Variants in EYS observed in about 807,000 individuals in gnomAD.
EYS encodes the protein protein eyes shut homolog.
EYS carries 250 observed loss-of-function variants against 282.1 expected under a neutral mutation model. The ratio of observed to expected loss-of-function variants is 0.89; its 90% CI spans 0.80 to 0.98. The LOEUF (loss-of-function observed/expected upper bound fraction) is 0.98. Among genes scored for constraint, EYS ranks in the 50% least tolerant of loss-of-function variants. The pLI is 0.00. For missense variants in EYS, 4,016 were observed against 3,709.0 expected (o/e 1.08, Z -2.15); for synonymous variants, 1,355 against 1,282.9 (o/e 1.06, Z -1.20).
intron 28 of EYS, among the ~76,000 whole-genome samples, chr6:64,396,965 T>C (rs1773401335): frequency 6.6e-6 from 1 of 152,072 alleles, no homozygotes; most frequent in Admixed American, 6.6e-5. Flanking sequence ...CTCTCTTTTA[T>C]TGGTTCATAT....
chr6:65,072,378 CAAGAG>C (rs138311944), intron 12 of EYS, among the ~76,000 whole-genome samples: 4,466 of 151,720 alleles, frequency 0.029, 221 homozygotes, highest in African/African-American at 0.1. Context: ...CAAACAAAAA[CAAGAG>C]AAGAGACAGA....
chr6:65,138,568 C>T (rs1388023328), intron 12 of EYS, among the ~76,000 whole-genome samples: 1 of 151,972 alleles, frequency 6.6e-6, no homozygotes, highest in Non-Finnish European at 1.5e-5. Flanking sequence ...AGGGAAGAAG[C>T]AAGACTAGCT....
chr6:64,814,133 C>A (rs760269773), intron 21 of EYS, among the ~76,000 whole-genome samples: 1 of 152,064 alleles, frequency 6.6e-6, no homozygotes, highest in Non-Finnish European at 1.5e-5. Flanking sequence ...TAATTACCTA[C>A]TTTTCCCCAT....
intron 14 of EYS, among the ~76,000 whole-genome samples, chr6:64,961,799 T>C (rs1308452739): frequency 6.6e-6 from 1 of 152,154 alleles, no homozygotes; most frequent in Admixed American, 6.6e-5. Flanking sequence ...CTTATGCTAT[T>C]AGGCAATTTA....
chr6:64,662,483 C>T (rs1386606620), intron 22 of EYS, among the ~76,000 whole-genome samples: 1 of 152,004 alleles, frequency 6.6e-6, no homozygotes, highest in African/African-American at 2.4e-5. Context: ...AAAAATAACC[C>T]CAAAGTTATA....
chr6:65,443,327 CAT>C (rs1768476898), intron 5 of EYS, among the ~76,000 whole-genome samples: 1 of 131,310 alleles, frequency 7.6e-6, no homozygotes, highest in Admixed American at 8.2e-5. Flanking sequence ...GACATATATG[CAT>C]ACATGTATGT....
At chr6:64,284,757 C>G (rs1185204841) in intron 30 of EYS, among the ~76,000 whole-genome samples, 1 of 152,184 alleles carries the variant, frequency 6.6e-6, no homozygotes, top group Non-Finnish European at 1.5e-5. Flanking sequence ...GCATGCTCAA[C>G]ACAACCTGGA....
intron 22 of EYS, among the ~76,000 whole-genome samples, chr6:64,692,404 C>T (rs1292536788): frequency 6.6e-6 from 1 of 152,030 alleles, no homozygotes; most frequent in Non-Finnish European, 1.5e-5. Context: ...ACATCTTCTC[C>T]CATTTTGTAG....
At chr6:64,217,366 T>G (rs978125219) in intron 31 of EYS, among the ~76,000 whole-genome samples, 6 of 152,038 alleles carry the variant, frequency 3.9e-5, no homozygotes, top group African/African-American at 1.4e-4. Context: ...CCATCTCTAC[T>G]AAAAATACAA....
rs576864515 is a variant in EYS, at chr6:64,091,490, T to C, written c.6425-9488A>G. ...TTTATTGAGGGTACATGAGTAATAT[T>C]TTGCAAAATATGTTTGCAGAGTTTT... On this transcript the variant is annotated intron_variant, in intron 31 of 42. Transcript: ENST00000503581. 8.5e-5 allele frequency among the ~76,000 whole-genome samples: 13 copies of C among 152,242 alleles called. No homozygotes were observed. The East Asian group carries it at 2.3e-3, about 27-fold the overall frequency.
At chr6:64,642,975 C>G (rs1053890952) in intron 22 of EYS, among the ~76,000 whole-genome samples, 1 of 152,088 alleles carries the variant, frequency 6.6e-6, no homozygotes, top group South Asian at 2.1e-4. Context: ...ATTAGCTGGG[C>G]GTGGTGGCAC....
intron 12 of EYS, among the ~76,000 whole-genome samples, chr6:65,081,562 T>A (rs1774231105): frequency 6.6e-6 from 1 of 152,112 alleles, no homozygotes; most frequent in Non-Finnish European, 1.5e-5. Flanking sequence ...TCCTACACTA[T>A]GTTCACTAAA....
At chr6:63,777,944 G>T in intron 40 of EYS, 62 bp downstream of exon 40, 2 of 1,389,712 alleles carry the variant, frequency 1.4e-6, no homozygotes, top group Non-Finnish European at 2.0e-6. Flanking sequence ...GAATGACAGA[G>T]TGGAGTACCA....
intron 12 of EYS, among the ~76,000 whole-genome samples, chr6:65,109,905 C>G (rs1775163138): frequency 6.6e-6 from 1 of 152,122 alleles, no homozygotes; most frequent in Non-Finnish European, 1.5e-5. Flanking sequence ...TTTGTTCACT[C>G]AATTCCTACT....
chr6:64,278,574 A>G (rs1409527337), intron 30 of EYS, among the ~76,000 whole-genome samples: 1 of 152,170 alleles, frequency 6.6e-6, no homozygotes, highest in East Asian at 1.9e-4. Context: ...ACACACTACT[A>G]AAATATTTCA....
intron 19 of EYS, among the ~76,000 whole-genome samples, chr6:64,835,298 A>G (rs1443256855): frequency 6.6e-6 from 1 of 151,730 alleles, no homozygotes; most frequent in Non-Finnish European, 1.5e-5. Flanking sequence ...GCAGAGTGTT[A>G]GAGAACTAGA....
intron 22 of EYS, chr6:64,728,746 A>C (rs1771853465): frequency 1.3e-5 from 2 of 152,312 alleles, no homozygotes; most frequent in Admixed American, 1.3e-4. Context: ...AGCAAGGGCA[A>C]AGAGTCAGTG....
At chr6:65,465,135 A>C (rs1764955651) in intron 5 of EYS, among the ~76,000 whole-genome samples, 1 of 152,188 alleles carries the variant, frequency 6.6e-6, no homozygotes. Flanking sequence ...TAAAATGAAA[A>C]GAGAAGAACA....
chr6:65,440,222 G>C (rs1266216153), intron 5 of EYS, among the ~76,000 whole-genome samples: 1 of 151,998 alleles, frequency 6.6e-6, no homozygotes, highest in Non-Finnish European at 1.5e-5. Context: ...CTATACCAGT[G>C]ATACGTAAAC....
Sources: allele counts gnomAD v4.1 joint callset (sites outside exome capture counted in the v4.1 genomes callset), GRCh38; gene constraint gnomAD v4.1.1; transcripts MANE v1.5; gene names NCBI Gene and HGNC (gene_info 2026-07-23, HGNC 2026-07-21).